VRK2: variants seen among roughly 807,000 people sequenced by gnomAD.
VRK2 encodes the protein VRK serine/threonine kinase 2.
Under a neutral mutation model 57.6 loss-of-function variants are expected in VRK2, and 60 were observed. That is an observed-to-expected ratio of 1.04 (90% CI 0.85 to 1.29). The LOEUF (loss-of-function observed/expected upper bound fraction) is 1.29, where lower values mean the gene tolerates loss of function less well. VRK2 is among the 50% of genes most tolerant of loss of function. The pLI is 0.00. For missense variants in VRK2, 705 were observed against 588.1 expected, an observed-to-expected ratio of 1.20 and a Z score of -2.06; for synonymous variants, 231 against 199.2, an observed-to-expected ratio of 1.16 and a Z score of -1.35.
chr2:58,077,444 G>T (rs2104060778), intron 2 of VRK2, among the ~76,000 whole-genome samples: 1 of 152,052 alleles, frequency 6.6e-6, no homozygotes, highest in African/African-American at 2.4e-5. Context: ...AATCTGTGTA[G>T]GTGAGTTATT....
chr2:58,047,888 GATTAT>G, intron 1 of VRK2, among the ~76,000 whole-genome samples: 1 of 152,328 alleles, frequency 6.6e-6, no homozygotes, highest in East Asian at 1.9e-4. Context: ...AAGCTAGGAA[GATTAT>G]ATTAAGAAAA....
At chr2:57,931,304 A>G (rs1422108030) in intron 1 of VRK2, among the ~76,000 whole-genome samples, 1 of 152,070 alleles carries the variant, frequency 6.6e-6, no homozygotes, top group Non-Finnish European at 1.5e-5. Flanking sequence ...GTTATCTTCT[A>G]AATTTTTTAT....
intron 10 of VRK2, 143 bp downstream of exon 10, chr2:58,135,342 G>A (rs1679860370): frequency 1.3e-6 from 1 of 764,608 alleles, no homozygotes; most frequent in Non-Finnish European, 2.1e-6. Flanking sequence ...TTGCAAATAA[G>A]TTGCTAAAGA....
At chr2:57,936,944 C>T (rs536800839) in intron 1 of VRK2, among the ~76,000 whole-genome samples, 1 of 152,314 alleles carries the variant, frequency 6.6e-6, no homozygotes, top group Non-Finnish European at 1.5e-5. Context: ...TACCAAGCTC[C>T]TTCCTTACCT....
intron 7 of VRK2, among the ~76,000 whole-genome samples, chr2:58,111,692 A>G (rs1675595256): frequency 6.6e-6 from 1 of 152,190 alleles, no homozygotes; most frequent in African/African-American, 2.4e-5. Context: ...CCTGGTATAA[A>G]TCTTGAGTTC....
At chr2:57,920,092 C>G (rs1158771089) in intron 1 of VRK2, among the ~76,000 whole-genome samples, 1 of 151,940 alleles carries the variant, frequency 6.6e-6, no homozygotes, top group East Asian at 1.9e-4. Context: ...AAAAAAGCAC[C>G]TGAAAAAATA....
intron 1 of VRK2, among the ~76,000 whole-genome samples, chr2:57,976,094 T>C (rs1196496681): frequency 1.6e-4 from 25 of 152,154 alleles, no homozygotes; most frequent in Admixed American, 1.5e-3. Context: ...AAGGACATTA[T>C]TTCATTCTTT....
At chr2:57,920,035 G>A (rs114322579) in intron 1 of VRK2, among the ~76,000 whole-genome samples, 33 of 152,104 alleles carry the variant, frequency 2.2e-4, no homozygotes, top group Non-Finnish European at 3.7e-4. Context: ...CTCAGTTGCC[G>A]CTTTGATTGA....
chr2:58,058,331 CT>C (rs1289862438), intron 2 of VRK2: 2 of 469,862 alleles, frequency 4.3e-6, no homozygotes, highest in Admixed American at 4.7e-5. Context: ...AACAAACTGT[CT>C]TTTGTTAATT....
rs757136629 is a variant in VRK2 at position 58,084,097 on chromosome 2, A to G, written c.145A>G (p.Thr49Ala). 3.1e-6 allele frequency: 5 copies of G among 1,606,076 alleles called. No homozygotes were observed. The highest frequency in any genetic ancestry group is 4.3e-6 in the Non-Finnish European group (5 of 1,175,236). Reference protein sequence around the residue: ...GFGLIYLAFPTNKPEKDARHV... With the variant: ...GFGLIYLAFPANKPEKDARHV... ...GTTTTTTTTGTCTGCAGCTTTCCCC[A>G]CAAATAAACCAGAGAAAGATGCAAG... is the stretch of plus-strand genomic sequence containing the variant. The change falls in exon 3 of 13, where the codon ACA (threonine) becomes GCA (alanine). Residue 49 changes from threonine to alanine, a missense_variant. Coordinates refer to ENST00000340157, the MANE Select transcript of VRK2 (RefSeq NM_006296.7).
chr2:57,976,909 A>C (rs1460584385), intron 1 of VRK2, among the ~76,000 whole-genome samples: 1 of 152,152 alleles, frequency 6.6e-6, no homozygotes, highest in East Asian at 1.9e-4. Context: ...TGGTGAAAGA[A>C]AGGGAATCAG....
At chr2:57,970,708 A>T (rs1198774110) in intron 1 of VRK2, among the ~76,000 whole-genome samples, 1 of 151,996 alleles carries the variant, frequency 6.6e-6, no homozygotes, top group African/African-American at 2.4e-5. Flanking sequence ...TAATATCATT[A>T]AAATTTATTA....
intron 2 of VRK2, among the ~76,000 whole-genome samples, chr2:58,054,377 T>C (rs898016403): frequency 2.0e-5 from 3 of 151,806 alleles, no homozygotes; most frequent in Non-Finnish European, 4.4e-5. Flanking sequence ...TGTAACTGTT[T>C]ACAGTGGTCA....
intron 1 of VRK2, among the ~76,000 whole-genome samples, chr2:57,935,298 C>G (rs1187859067): frequency 1.3e-5 from 2 of 152,122 alleles, no homozygotes; most frequent in African/African-American, 4.8e-5. Flanking sequence ...TTGTGCCATT[C>G]TACACCTATT....
chr2:57,934,357 G>A (rs1670834544), intron 1 of VRK2, among the ~76,000 whole-genome samples: 1 of 152,164 alleles, frequency 6.6e-6, no homozygotes, highest in Non-Finnish European at 1.5e-5. Flanking sequence ...TGTTATTTCT[G>A]AAGGACATCT....
chr2:58,121,991 A>T (rs1467481930), intron 7 of VRK2, among the ~76,000 whole-genome samples: 1 of 152,318 alleles, frequency 6.6e-6, no homozygotes, highest in Admixed American at 6.5e-5. Context: ...AATCTGAGGT[A>T]AATTCACTTG....
intron 10 of VRK2, among the ~76,000 whole-genome samples, chr2:58,137,451 GC>G: frequency 2.6e-5 from 4 of 151,644 alleles, no homozygotes; most frequent in African/African-American, 9.7e-5. Context: ...TGGGAGACAA[GC>G]CCAGTTTTTG....
chr2:58,007,250 T>C (rs1042812153), intron 1 of VRK2, among the ~76,000 whole-genome samples: 3 of 151,764 alleles, frequency 2.0e-5, no homozygotes, highest in African/African-American at 7.3e-5. Flanking sequence ...CATATATATG[T>C]ATGTACATAT....
intron 8 of VRK2, among the ~76,000 whole-genome samples, chr2:58,129,662 T>C (rs549091606): frequency 6.6e-6 from 1 of 151,976 alleles, no homozygotes; most frequent in South Asian, 2.1e-4. Flanking sequence ...ATTACTCCTC[T>C]GTGTACAGTA....
Sources: allele counts gnomAD v4.1 joint callset (sites outside exome capture counted in the v4.1 genomes callset), GRCh38; gene constraint gnomAD v4.1.1; transcripts MANE v1.5; gene names NCBI Gene and HGNC (gene_info 2026-07-23, HGNC 2026-07-21).